The following FAM135B variants were observed in gnomAD, a reference collection of about 807,000 sequenced individuals.
FAM135B encodes protein FAM135B.
A neutral mutation model predicts 127.7 loss-of-function variants in FAM135B; 43 were observed. That is an observed-to-expected ratio of 0.34 (90% confidence interval 0.26 to 0.43). The LOEUF (loss-of-function observed/expected upper bound fraction) is 0.43. FAM135B is among the 20% of genes least tolerant of loss of function. The probability of loss-of-function intolerance (pLI) is 1.00; values close to 1 mark genes in which losing one functional copy is unlikely to be tolerated. For synonymous variants in FAM135B, 670 were observed against 665.1 expected (o/e 1.01, Z -0.11); for missense variants, 1,558 against 1,725.6 (o/e 0.90, Z 1.72).
chr8:138,357,500 A>T (rs904266779), intron 2 of FAM135B, among the ~76,000 whole-genome samples: 1 of 152,152 alleles, frequency 6.6e-6, no homozygotes, highest in African/African-American at 2.4e-5. Context: ...AAAGAATATG[A>T]TGACATTTTT....
At chr8:138,310,543 T>C (rs1032495291) in intron 3 of FAM135B, among the ~76,000 whole-genome samples, 3 of 152,202 alleles carry the variant, frequency 2.0e-5, no homozygotes, top group African/African-American at 7.2e-5. Context: ...CTGGATGTCA[T>C]TTCCTACCAG....
chr8:138,495,369 C>G (rs1406833977), intron 1 of FAM135B, among the ~76,000 whole-genome samples: 2 of 152,156 alleles, frequency 1.3e-5, no homozygotes. Context: ...GGTCCACTTT[C>G]CTCTACACCT....
At chr8:138,455,736 C>T (rs935286706) in intron 1 of FAM135B, among the ~76,000 whole-genome samples, 7 of 152,048 alleles carry the variant, frequency 4.6e-5, no homozygotes, top group East Asian at 3.9e-4. Flanking sequence ...GGTGAATAAA[C>T]GGATGGAAAG....
intron 2 of FAM135B, among the ~76,000 whole-genome samples, chr8:138,329,001 A>C (rs747731089): frequency 1.3e-5 from 2 of 152,220 alleles, no homozygotes; most frequent in African/African-American, 2.4e-5. Context: ...AAACAAACAA[A>C]ACACCCACAA....
At chr8:138,162,817 G>T (rs1819526558) in intron 12 of FAM135B, among the ~76,000 whole-genome samples, 1 of 152,106 alleles carries the variant, frequency 6.6e-6, no homozygotes, top group Admixed American at 6.5e-5. Context: ...GGTGTATGAC[G>T]TCAGACAGAG....
At chr8:138,459,107 C>T (rs967312538) in intron 1 of FAM135B, 3 of 152,202 alleles carry the variant, frequency 2.0e-5, no homozygotes, top group African/African-American at 7.2e-5. Flanking sequence ...ATCATAGTAC[C>T]TCTATAACTT....
chr8:138,424,367 A>G (rs910806502), intron 1 of FAM135B, among the ~76,000 whole-genome samples: 6 of 152,236 alleles, frequency 3.9e-5, no homozygotes, highest in Non-Finnish European at 1.5e-5. Context: ...TTCTTCTGCC[A>G]TGGCTTCAGC....
chr8:138,459,503 A>C (rs1227397237), intron 1 of FAM135B: 1 of 152,226 alleles, frequency 6.6e-6, no homozygotes. Context: ...AAGCTCTCTA[A>C]TGCCTTATCA....
rs185521412 is a variant in FAM135B at position 138,198,793 on chromosome 8, A to G, written c.670-1124T>C. Among the ~76,000 whole-genome samples, 576 of 147,490 alleles carry G rather than the reference A, an allele frequency of 3.9e-3. 1 individual carries two copies. Among genetic ancestry groups the G allele is most frequent in the Non-Finnish European group, 6.0e-3 (405 of 67,290 alleles). ...GGACAGTTTTTTTCTTGCCAACTCA[A>G]CAGAGAAGGATGTCCTGAGGTGAAT... is the stretch of plus-strand genomic sequence containing the variant. On this transcript the variant is annotated intron_variant, in intron 7 of 19. Transcript: ENST00000395297.
chr8:138,280,259 TTGAG>T (rs1156273561), intron 3 of FAM135B, among the ~76,000 whole-genome samples: 2 of 152,208 alleles, frequency 1.3e-5, no homozygotes, highest in Non-Finnish European at 2.9e-5. Flanking sequence ...TGTCACCTGA[TTGAG>T]TGTCAGCCAA....
chr8:138,457,446 C>T (rs993521774), intron 1 of FAM135B, among the ~76,000 whole-genome samples: 1 of 152,094 alleles, frequency 6.6e-6, no homozygotes, highest in African/African-American at 2.4e-5. Context: ...AGATCCCAAG[C>T]CCTCCCTGAG....
chr8:138,257,488 C>T (rs142620742), intron 4 of FAM135B, among the ~76,000 whole-genome samples: 2,080 of 152,200 alleles, frequency 0.014, 24 homozygotes, highest in Middle Eastern at 0.044. Context: ...GATGGTACCC[C>T]TAGTTCTCTT....
chr8:138,443,167 C>T (rs890252567), intron 1 of FAM135B, among the ~76,000 whole-genome samples: 1 of 152,132 alleles, frequency 6.6e-6, no homozygotes, highest in African/African-American at 2.4e-5. Context: ...GCCATAAAAG[C>T]CTCGTTGCTC....
chr8:138,427,988 T>C (rs1834990492), intron 1 of FAM135B, among the ~76,000 whole-genome samples: 1 of 152,124 alleles, frequency 6.6e-6, no homozygotes, highest in South Asian at 2.1e-4. Flanking sequence ...CCTCTCACTC[T>C]TTTTAACTCC....
At chr8:138,235,486 T>A (rs950291077) in intron 7 of FAM135B, among the ~76,000 whole-genome samples, 7 of 152,214 alleles carry the variant, frequency 4.6e-5, no homozygotes, top group Admixed American at 6.5e-5. Context: ...TGTGACTACA[T>A]CCTCATGAAA....
chr8:138,430,578 G>A (rs571193666), intron 1 of FAM135B, among the ~76,000 whole-genome samples: 4 of 152,040 alleles, frequency 2.6e-5, no homozygotes, highest in Admixed American at 6.5e-5. Context: ...ACAAGGTGAC[G>A]GTGGAAGTTG....
intron 12 of FAM135B, among the ~76,000 whole-genome samples, chr8:138,153,698 C>A (rs977114896): frequency 2.6e-5 from 4 of 152,212 alleles, no homozygotes; most frequent in African/African-American, 9.7e-5. Flanking sequence ...GCTAGCACAG[C>A]AGTCTGAGAT....
chr8:138,298,496 C>T (rs1238458013), intron 3 of FAM135B, among the ~76,000 whole-genome samples: 1 of 152,128 alleles, frequency 6.6e-6, no homozygotes, highest in Non-Finnish European at 1.5e-5. Flanking sequence ...AGTTCAGAAG[C>T]TCTGAATTGG....
intron 1 of FAM135B, among the ~76,000 whole-genome samples, chr8:138,472,301 C>T (rs1410643644): frequency 6.6e-6 from 1 of 152,108 alleles, no homozygotes; most frequent in Non-Finnish European, 1.5e-5. Context: ...AGGAATATCA[C>T]AGGGAACAAG....
Sources: gnomAD v4.1 joint callset for allele counts (sites outside exome capture counted in the v4.1 genomes callset) on GRCh38, gnomAD v4.1.1 for gene constraint, MANE v1.5 for transcripts, NCBI Gene and HGNC (gene_info 2026-07-23, HGNC 2026-07-21) for gene names.